Variants in CDH8 observed in about 807,000 individuals in gnomAD.
CDH8 encodes cadherin-8.
Under a neutral mutation model 68.1 loss-of-function variants are expected in CDH8, and 17 were observed. That is an observed-to-expected ratio of 0.25 (90% CI 0.17 to 0.37). The LOEUF is 0.37. CDH8 is among the 10% of genes least tolerant of loss of function. The probability of loss-of-function intolerance (pLI) is 1.00; values close to 1 mark genes in which losing one functional copy is unlikely to be tolerated. For synonymous variants in CDH8, 372 were observed against 365.1 expected, an observed-to-expected ratio of 1.02 and a Z score of -0.21; for missense variants, 763 against 999.3, an observed-to-expected ratio of 0.76 and a Z score of 3.19.
rs1962397131 is a variant in CDH8, at chr16:61,828,856, TG to T, written c.668-3678del. On this transcript the variant is annotated intron_variant, in intron 4 of 11. Coordinates refer to ENST00000577390, the MANE Select transcript of CDH8 (RefSeq NM_001796.5). Reference sequence around the variant, plus strand: ...TCAGAGATAATAACCAGCTTCTCACTGTGGACATTCCAAGATGATGTGAGAT... The same window carrying T: ...TCAGAGATAATAACCAGCTTCTCACTTGGACATTCCAAGATGATGTGAGAT... Among the ~76,000 whole-genome samples, 7 of 152,014 alleles carry T rather than the reference TG, an allele frequency of 4.6e-5. No homozygotes were observed. In the South Asian group the frequency reaches 1.4e-3, roughly 31 times the overall value.
chr16:61,745,559 T>C (rs950295247), intron 8 of CDH8, among the ~76,000 whole-genome samples: 4 of 151,658 alleles, frequency 2.6e-5, no homozygotes, highest in Admixed American at 6.6e-5. Context: ...GTTTTCTTTC[T>C]GTGATTCTTC....
chr16:61,677,110 G>A (rs1171534486), intron 10 of CDH8, among the ~76,000 whole-genome samples: 1 of 151,832 alleles, frequency 6.6e-6, no homozygotes, highest in Non-Finnish European at 1.5e-5. Flanking sequence ...AGGTCTGGAA[G>A]ATAGCCTGGA....
intron 2 of CDH8, chr16:61,918,521 G>C (rs1597064520): frequency 6.5e-6 from 1 of 152,832 alleles, no homozygotes. Flanking sequence ...AGGGGTCAGG[G>C]AGTTCCCTTT....
rs769904620 is a variant in CDH8, at chr16:62,021,519, G to C, written c.-116C>G. ...GAGCATTTACTTACAGCTCTGCCAC[G>C]TGTCTATAGCACGGGAAACAGACAT... On this transcript the variant is annotated 5_prime_UTR_variant, in exon 2 of 12. Coordinates refer to ENST00000577390, the MANE Select transcript of CDH8 (RefSeq NM_001796.5). The C allele has an allele frequency of 6.7e-6, 10 of 1,487,626 alleles. No homozygotes were observed. In the Admixed American group the frequency reaches 2.3e-4, roughly 34 times the overall value. 92.2% of individuals were successfully genotyped at this position (1,487,626 alleles called of 1,614,324 possible).
chr16:61,975,242 A>AC, intron 2 of CDH8, among the ~76,000 whole-genome samples: 1 of 152,176 alleles, frequency 6.6e-6, no homozygotes, highest in Non-Finnish European at 1.5e-5. Flanking sequence ...AGAAAGGAAG[A>AC]AAGAAAAAAA....
At chr16:61,949,948 A>T (rs1964863614) in intron 2 of CDH8, among the ~76,000 whole-genome samples, 1 of 151,580 alleles carries the variant, frequency 6.6e-6, no homozygotes, top group Non-Finnish European at 1.5e-5. Flanking sequence ...TGATCCTGCC[A>T]CTGCAATTCA....
chr16:61,870,220 C>T (rs1963331089), intron 3 of CDH8, among the ~76,000 whole-genome samples: 1 of 152,166 alleles, frequency 6.6e-6, no homozygotes, highest in Non-Finnish European at 1.5e-5. Flanking sequence ...ATTGTTTATA[C>T]CAGACAGGGC....
chr16:61,788,108 A>C (rs916905538), intron 8 of CDH8, among the ~76,000 whole-genome samples: 1 of 151,910 alleles, frequency 6.6e-6, no homozygotes, highest in Admixed American at 6.6e-5. Flanking sequence ...AAAAAGAAAC[A>C]AACATTCTTC....
At chr16:61,772,840 G>A (rs1471996068) in intron 8 of CDH8, among the ~76,000 whole-genome samples, 172 of 151,962 alleles carry the variant, frequency 1.1e-3, no homozygotes, top group Non-Finnish European at 1.9e-4. Context: ...CCCTCCAGGT[G>A]ATTCTGACGC....
chr16:61,931,554 G>A lies in CDH8; in HGVS notation c.253-30081C>T, dbSNP rs564119691. On this transcript the variant is annotated intron_variant, in intron 2 of 11. Coordinates refer to ENST00000577390, the MANE Select transcript of CDH8 (RefSeq NM_001796.5). ...ATTCTGACTGAATGAAATATAAGCA[G>A]TATGTTGCTCTTGTCACACTGCTGA... Among the ~76,000 whole-genome samples, 3 of 152,198 alleles carry A rather than the reference G, an allele frequency of 2.0e-5. No homozygotes were observed. The East Asian group carries it at 5.8e-4, about 29-fold the overall frequency.
chr16:61,866,557 A>G (rs1347418686), intron 3 of CDH8, among the ~76,000 whole-genome samples: 1 of 150,536 alleles, frequency 6.6e-6, no homozygotes, highest in East Asian at 2.0e-4. Context: ...TGTAGCATAC[A>G]TAGAATTATA....
At chr16:61,684,545 A>G (rs1156252876) in intron 10 of CDH8, among the ~76,000 whole-genome samples, 9 of 152,056 alleles carry the variant, frequency 5.9e-5, no homozygotes, top group Non-Finnish European at 1.3e-4. Flanking sequence ...TATGCTATGT[A>G]AAAATTTCAC....
intron 2 of CDH8, among the ~76,000 whole-genome samples, chr16:61,911,633 A>C (rs1369921): frequency 0.014 from 1,474 of 108,514 alleles, 19 homozygotes; most frequent in Middle Eastern, 0.067. Context: ...ACCCCCCCCC[A>C]CCACCTCTCT....
chr16:61,699,763 T>TG (rs757168584), intron 10 of CDH8, among the ~76,000 whole-genome samples: 81 of 152,090 alleles, frequency 5.3e-4, no homozygotes, highest in Admixed American at 1.8e-3. Context: ...TTAGCAGAGA[T>TG]GGGGGTTTCA....
In CDH8 at chr16:61,716,578, A is replaced by G. The variant is rs555607067; in HGVS notation, c.1537-2620T>C. On this transcript the variant is annotated intron_variant, in intron 9 of 11. Transcript: ENST00000577390. ...GTATGAGAACCACTGTTTTGAGCCA[A>G]TGGAAAAGATTCATATTCATAGTTC... Among the ~76,000 whole-genome samples the G allele has an allele frequency of 4.0e-5, 6 of 151,818 alleles. No homozygotes were observed. In the South Asian group the frequency reaches 1.2e-3, roughly 31 times the overall value.
intron 10 of CDH8, among the ~76,000 whole-genome samples, chr16:61,688,239 G>A (rs1454539824): frequency 3.3e-5 from 5 of 152,008 alleles, no homozygotes; most frequent in African/African-American, 1.2e-4. Flanking sequence ...TGCCTGAGCA[G>A]CTAATTTACA....
chr16:61,983,296 C>T lies in CDH8; in HGVS notation c.252+37856G>A, dbSNP rs141503672. Among the ~76,000 whole-genome samples the T allele has an allele frequency of 2.1e-3, 319 of 152,216 alleles. 2 individuals are homozygous for T. Among genetic ancestry groups the T allele is most frequent in the Non-Finnish European group, 1.9e-3 (131 of 68,020 alleles). The stretch of plus-strand genomic sequence containing the variant: ...CTTATAATTATAGTTTATTTATTTT[C>T]GCCAAAGAATGGCAAGGCAATACCA... On this transcript the variant is annotated intron_variant, in intron 2 of 11. Coordinates refer to ENST00000577390, the MANE Select transcript of CDH8 (RefSeq NM_001796.5).
intron 7 of CDH8, among the ~76,000 whole-genome samples, chr16:61,796,052 G>T (rs1381900149): frequency 1.3e-5 from 2 of 152,028 alleles, no homozygotes; most frequent in Non-Finnish European, 2.9e-5. Flanking sequence ...CTCAAAAAAG[G>T]CTTGCTGGAA....
At chr16:62,020,161 A>T (rs1466246236) in intron 2 of CDH8, among the ~76,000 whole-genome samples, 5 of 152,244 alleles carry the variant, frequency 3.3e-5, no homozygotes, top group Admixed American at 2.6e-4. Flanking sequence ...ACAAAGAGTT[A>T]ACTCAAGTCT....
Sources: allele counts gnomAD v4.1 joint callset (sites outside exome capture counted in the v4.1 genomes callset), GRCh38; gene constraint gnomAD v4.1.1; transcripts MANE v1.5; gene names NCBI Gene and HGNC (gene_info 2026-07-23, HGNC 2026-07-21).